The following IKZF5 variants were observed in gnomAD, a reference collection of about 807,000 sequenced individuals.
The protein encoded by IKZF5 is zinc finger protein Pegasus.
A neutral mutation model predicts 30.7 loss-of-function variants in IKZF5; 4 were observed. The observed-to-expected ratio is 0.13, with a 90% CI of 0.06 to 0.30. The LOEUF (loss-of-function observed/expected upper bound fraction) is 0.30, where lower values mean the gene tolerates loss of function less well. IKZF5 is among the 10% of genes least tolerant of loss of function. The pLI, the probability that IKZF5 is intolerant of heterozygous loss-of-function variation, is 1.00. For missense variants in IKZF5, 348 were observed against 525.5 expected (o/e 0.66, Z 3.30); for synonymous variants, 148 against 179.6 (o/e 0.82, Z 1.41).
rs1589714765 is a variant in IKZF5, at chr10:122,994,500, C to A, written c.540G>T (p.Gly180=). ...GATTGCTTGTTTTCTTCTGTAAAACCCCCCACATTTTCTTGCTGCTTAAGG... is the reference window on the plus strand; with the variant it reads ...GATTGCTTGTTTTCTTCTGTAAAACACCCCACATTTTCTTGCTGCTTAAGG... ...RSSLSSKKMW[G]VLQKKTSNLG... The change falls in exon 5 of 5, where the codon GGG becomes GGT. Residue 180 remains glycine, a synonymous_variant. Transcript: ENST00000368886. This position sits in a 1 kb window ranked among gnomAD's most constrained non-coding sequence, Gnocchi z 5.6. The A allele has an allele frequency of 3.1e-6, 5 of 1,613,892 alleles. No individual in the cohort carries two copies. The South Asian group carries it at 5.5e-5, about 18-fold the overall frequency.
chr10:122,999,380 T>G (rs1025107815), intron 2 of IKZF5, among the ~76,000 whole-genome samples: 3 of 152,202 alleles, frequency 2.0e-5, no homozygotes, highest in Non-Finnish European at 2.9e-5. Flanking sequence ...AGTGTTCACA[T>G]GAATGAGTAG....
Position 122,994,873 on chromosome 10 carries a change from T to G in IKZF5, c.317-150A>C, listed in dbSNP as rs1014720561. The G allele has an allele frequency of 3.1e-6, 2 of 640,750 alleles. No individual in the cohort carries two copies. Among genetic ancestry groups the G allele is most frequent in the Non-Finnish European group, 2.6e-6 (1 of 381,832 alleles). 39.7% of individuals were successfully genotyped at this position (640,750 alleles called of 1,614,324 possible). A position where few individuals can be genotyped will look rare whatever the true frequency, so the allele number is the denominator to read the frequency against. On this transcript the variant is annotated intron_variant, in intron 4 of 4. Coordinates refer to ENST00000368886, the MANE Select transcript of IKZF5 (RefSeq NM_001372123.1). The surrounding 1 kb of genome is among the most constrained non-coding windows in gnomAD (Gnocchi z 5.6). Reference sequence around the variant, plus strand: ...GCATAGCATATGAGATTGTTAAAATTTGTAAATAAACCCACAAATTGAAAT... The same window carrying G: ...GCATAGCATATGAGATTGTTAAAATGTGTAAATAAACCCACAAATTGAAAT...
intron 2 of IKZF5, among the ~76,000 whole-genome samples, chr10:123,003,834 TC>T (rs1343906146): frequency 6.6e-6 from 1 of 152,232 alleles, no homozygotes; most frequent in Non-Finnish European, 1.5e-5. Context: ...TTGCAATTTT[TC>T]AAATCACTTT....
chr10:123,007,388 T>C (rs1204232127), intron 1 of IKZF5, among the ~76,000 whole-genome samples: 2 of 152,220 alleles, frequency 1.3e-5, no homozygotes, highest in Non-Finnish European at 2.9e-5. Context: ...CTGGTGTGAC[T>C]ACCGTTTTCT....
At chr10:122,999,881 GTCTTT>G (rs1162782434) in intron 2 of IKZF5, among the ~76,000 whole-genome samples, 1 of 152,166 alleles carries the variant, frequency 6.6e-6, no homozygotes, top group East Asian at 1.9e-4. Context: ...GATAAAAAAG[GTCTTT>G]TCTTCCAGGA....
In IKZF5 at chr10:122,994,433, A is replaced by C; in HGVS notation, c.607T>G (p.Ser203Ala). 6.2e-7 allele frequency: 1 copy of C among 1,614,086 alleles called. No homozygotes were observed. The highest frequency in any genetic ancestry group is 2.2e-5 in the East Asian group (1 of 44,876). The change falls in exon 5 of 5, where the codon TCC becomes GCC. Residue 203 changes from serine (S) to alanine (A), a missense_variant. By Grantham distance (99) the Ser-to-Ala change is moderately conservative (BLOSUM62 1). Around this residue, in one of 4 missense-constraint regions of IKZF5, gnomAD observed 176 missense variants for 198.2 expected, o/e 0.89. Transcript: ENST00000368886. This position sits in a 1 kb window ranked among gnomAD's most constrained non-coding sequence, Gnocchi z 5.6. ...TAGTCTGGTTTCTGAACCACCATGG[A>C]AGGTGGACTTAAGTTGATTAGTGCT... ...RRALINLSPP[S>A]MVVQKPDYLN...
Position 122,993,978 on chromosome 10 carries a change from G to T in IKZF5, c.1062C>A (p.Ala354=). The part of the protein sequence containing the change: ...GNSQPSTPAP[A]LPVQDPQLLH... ...GAAGCTGAGGGTCCTGGACCGGCAG[G>T]GCTGGGGCTGGGGTGCTTGGCTGGC... The change falls in exon 5 of 5, where the codon GCC becomes GCA. Residue 354 remains alanine (A), a synonymous_variant. Coordinates refer to ENST00000368886, the MANE Select transcript of IKZF5 (RefSeq NM_001372123.1). 1.9e-6 allele frequency: 3 copies of T among 1,614,106 alleles called. No homozygotes were observed. Among genetic ancestry groups the T allele is most frequent in the Non-Finnish European group, 2.5e-6 (3 of 1,180,000 alleles).
chr10:122,996,280 T>G (rs1377487711), intron 3 of IKZF5, 104 bp from the exon 4 acceptor site: 11 of 984,934 alleles, frequency 1.1e-5, no homozygotes, highest in Non-Finnish European at 1.5e-5. Flanking sequence ...ACAGTTCACT[T>G]CTCACAAAAG....
intron 3 of IKZF5, 87 bp downstream of exon 3, chr10:122,998,406 G>A: frequency 4.5e-6 from 5 of 1,121,520 alleles, no homozygotes; most frequent in Non-Finnish European, 6.4e-6. Context: ...TCACATTAAT[G>A]CGCAGTGGTC....
intron 1 of IKZF5, among the ~76,000 whole-genome samples, chr10:123,008,202 G>A (rs1039245154): frequency 1.3e-5 from 2 of 152,160 alleles, no homozygotes; most frequent in Non-Finnish European, 2.9e-5. Context: ...GATAAAATAC[G>A]AAGGCTTTAA....
Position 122,993,565 on chromosome 10 carries a change from C to A in IKZF5, c.*215G>T. On this transcript the variant is annotated 3_prime_UTR_variant, in exon 5 of 5. Coordinates refer to ENST00000368886, the MANE Select transcript of IKZF5 (RefSeq NM_001372123.1). ...TGTCGAAAGGAAAGGAAAAAAGAGA[C>A]ACCAATGTGTCTAACTGTTCTAATA... The A allele has an allele frequency of 2.7e-6, 1 of 366,152 alleles. No individual in the cohort carries two copies. The highest frequency in any genetic ancestry group is 7.6e-5 in the South Asian group (1 of 13,114). The allele number at this position is 366,152 out of a possible 1,614,324, so 22.7% of individuals were successfully genotyped here. A position where few individuals can be genotyped will look rare whatever the true frequency, so the allele number is the denominator to read the frequency against.
intron 4 of IKZF5, among the ~76,000 whole-genome samples, chr10:122,995,232 A>C (rs906195459): frequency 3.3e-5 from 5 of 152,248 alleles, no homozygotes; most frequent in Admixed American, 3.3e-4. Flanking sequence ...GAGTTATGCA[A>C]AGCATCCCTT....
chr10:123,002,313 T>C (rs1187914746), intron 2 of IKZF5, among the ~76,000 whole-genome samples: 1 of 151,516 alleles, frequency 6.6e-6, no homozygotes, highest in African/African-American at 2.4e-5. Flanking sequence ...GGTCAAGAGA[T>C]GGAGACCATG....
intron 2 of IKZF5, 25 bp from the exon 3 acceptor site, chr10:122,998,696 G>A: frequency 7.3e-7 from 1 of 1,373,214 alleles, no homozygotes; most frequent in Non-Finnish European, 1.0e-6. Flanking sequence ...CACTATTTAG[G>A]GAGATCTAGT....
At chr10:122,997,959 C>T (rs1326677855) in intron 3 of IKZF5, among the ~76,000 whole-genome samples, 1 of 152,110 alleles carries the variant, frequency 6.6e-6, no homozygotes, top group African/African-American at 2.4e-5. Flanking sequence ...AGTTTGCTGA[C>T]CTCCGAGCTA....
intron 2 of IKZF5, 80 bp from the exon 3 acceptor site, chr10:122,998,751 A>G: frequency 2.9e-6 from 2 of 690,176 alleles, no homozygotes; most frequent in Non-Finnish European, 4.6e-6. Flanking sequence ...AAGACACTAT[A>G]TAAAGCAAGA....
chr10:122,993,080 C>A lies in IKZF5; in HGVS notation c.*700G>T, dbSNP rs1381895806. The A allele has an allele frequency of 6.6e-6, 1 of 152,458 alleles. No homozygotes were observed. The allele number at this position is 152,458 out of a possible 1,614,324, so 9.4% of individuals were successfully genotyped here. A position where few individuals can be genotyped will look rare whatever the true frequency, so the allele number is the denominator to read the frequency against. On this transcript the variant is annotated 3_prime_UTR_variant, in exon 5 of 5. Coordinates refer to ENST00000368886, the MANE Select transcript of IKZF5 (RefSeq NM_001372123.1). ...TGACAGGGGAAAAAGGCATCTAGCACTCTAGTGTATTTACCTGTGAAAATA... is the reference window on the plus strand; with the variant it reads ...TGACAGGGGAAAAAGGCATCTAGCAATCTAGTGTATTTACCTGTGAAAATA...
At chr10:122,998,348 A>C (rs1849460492) in intron 3 of IKZF5, 145 bp downstream of exon 3, 2 of 629,046 alleles carry the variant, frequency 3.2e-6, no homozygotes, top group Non-Finnish European at 5.2e-6. Context: ...ATATGTTTAA[A>C]AAAGGGGGAA....
chr10:123,003,034 CT>C (rs761759302), intron 2 of IKZF5, among the ~76,000 whole-genome samples: 167 of 141,542 alleles, frequency 1.2e-3, no homozygotes, highest in Middle Eastern at 3.6e-3. Context: ...TTTTTCTTTT[CT>C]TTTTTTTTTT....
Sources: gnomAD v4.1 joint callset for allele counts (sites outside exome capture counted in the v4.1 genomes callset) on GRCh38, gnomAD v4.1.1 for gene constraint, gnomAD v4.1.1 regional missense constraint, Gnocchi (gnomAD v3.1) non-coding constraint, MANE v1.5 for transcripts, NCBI Gene and HGNC (gene_info 2026-07-23, HGNC 2026-07-21) for gene names.